TTLL12: variants seen among roughly 807,000 people sequenced by gnomAD.
TTLL12 encodes the protein tubulin--tyrosine ligase-like protein 12.
In TTLL12, 77 loss-of-function variants were observed where a neutral mutation model predicts 79.6. The observed-to-expected ratio is 0.97, with a 90% CI of 0.81 to 1.17. TTLL12 has a LOEUF of 1.17. Among genes scored for constraint, TTLL12 ranks in the 50% most tolerant of loss-of-function variants. The pLI is 0.00. For synonymous variants in TTLL12, 437 were observed against 376.1 expected, an observed-to-expected ratio of 1.16 and a Z score of -1.87; for missense variants, 969 against 895.9, an observed-to-expected ratio of 1.08 and a Z score of -1.04.
chr22:43,180,816 G>C lies in TTLL12; in HGVS notation c.472C>G (p.Pro158Ala), dbSNP rs1268546933. ...ACCAGGGCCACAGCCTCTGTACTGG[G>C]CAGCTCACCGTGGAACTCAATGCCC... ...LMGIEFHGEL[P>A]STEAVALVLE... Residue 158 changes from proline (P) to alanine (A), a missense_variant, in exon 3 of 14, where the codon CCC becomes GCC. Transcript: ENST00000216129. 1.2e-6 allele frequency: 2 copies of C among 1,613,176 alleles called. No homozygotes were observed. The highest frequency in any genetic ancestry group is 2.2e-5 in the South Asian group (2 of 91,086).
rs770304301 is a variant in TTLL12, at chr22:43,179,902, G to T, written c.645C>A (p.Phe215Leu). The T allele has an allele frequency of 6.2e-6, 10 of 1,611,020 alleles. No homozygotes were observed. The South Asian group carries it at 1.1e-4, about 18-fold the overall frequency. Residue 215 changes from phenylalanine (F) to leucine (L), a missense_variant, in exon 4 of 14, where the codon TTC (phenylalanine) becomes TTA (leucine). Physicochemically the swap from Phe to Leu is conservative, Grantham distance 22 (BLOSUM62 0). Coordinates refer to ENST00000216129, the MANE Select transcript of TTLL12 (RefSeq NM_015140.4). ...DVPSFATAPF[F>L]YMPQQVAYTL... ...TGTAGGCCACCTGCTGCGGCATGTA[G>T]AAGAAGGGTGCCGTGGCGAAGCTGG...
Position 43,173,823 on chromosome 22 carries a change from GCCCCT to G in TTLL12, c.1230-2_1232del, listed in dbSNP as rs763145914. The stretch of plus-strand genomic sequence containing the variant: ...GCTTGCAGATCCAGTGGTTGTCCTC[GCCCCT>G]GGGGAGCAGAAGGGCTGTCTGGGGG... On this transcript the variant is annotated splice_acceptor_variant and coding_sequence_variant, in exon 9 of 14. Transcript: ENST00000216129. LOFTEE classifies it high-confidence loss of function. 46 of 1,602,502 alleles carry G rather than the reference GCCCCT, an allele frequency of 2.9e-5. No homozygotes were observed. The highest frequency in any genetic ancestry group is 3.8e-5 in the Non-Finnish European group (45 of 1,179,676).
intron 5 of TTLL12, 51 bp from the exon 6 acceptor site, chr22:43,176,447 AG>A: frequency 6.7e-7 from 1 of 1,490,990 alleles, no homozygotes; most frequent in Non-Finnish European, 9.2e-7. Flanking sequence ...AGGGAGGGAA[AG>A]GCCGGCCGTG....
At chr22:43,170,292 G>T in intron 11 of TTLL12, 1 of 249,272 alleles carries the variant, frequency 4.0e-6, no homozygotes, top group South Asian at 4.8e-5. Context: ...TGGGTCCTAG[G>T]GAGTAGGCTT....
intron 8 of TTLL12, 111 bp downstream of exon 8, chr22:43,174,098 G>T: frequency 7.1e-7 from 1 of 1,403,166 alleles, no homozygotes; most frequent in Non-Finnish European, 9.7e-7. Flanking sequence ...CCACAGCTCG[G>T]CTCCTGCACC....
chr22:43,186,189 A>ACCCCCC (rs59941359), intron 1 of TTLL12, among the ~76,000 whole-genome samples: 2 of 82,140 alleles, frequency 2.4e-5, no homozygotes, highest in Admixed American at 1.4e-4. Flanking sequence ...TAAAGAAAAC[A>ACCCCCC]CCCCCCCCCC....
At chr22:43,175,839 ATTTT>A (rs753447234) in intron 6 of TTLL12, among the ~76,000 whole-genome samples, 51 of 128,366 alleles carry the variant, frequency 4.0e-4, no homozygotes, top group Admixed American at 1.0e-3. Context: ...TGCCCTACTA[ATTTT>A]TTTTTTTTTT....
At chr22:43,180,092 C>T in intron 3 of TTLL12, 92 bp from the exon 4 acceptor site, 1 of 1,439,816 alleles carries the variant, frequency 6.9e-7, no homozygotes, top group Non-Finnish European at 9.3e-7. Flanking sequence ...CAGCCCACAG[C>T]CATTTCTCTG....
chr22:43,173,296 C>G lies in TTLL12; in HGVS notation c.1341+419G>C, dbSNP rs8140960. ...GGCACACTATGTGGTAGGAACTTTG[C>G]GATTAGACGCACCCAGGACAGTTCT... is the stretch of plus-strand genomic sequence containing the variant. On this transcript the variant is annotated intron_variant, in intron 9 of 13. Coordinates refer to ENST00000216129, the MANE Select transcript of TTLL12 (RefSeq NM_015140.4). Among the ~76,000 whole-genome samples the G allele has an allele frequency of 6.7e-3, 1,025 of 152,146 alleles. 10 individuals are homozygous for G. Among genetic ancestry groups the G allele is most frequent in the African/African-American group, 0.023 (960 of 41,510 alleles).
intron 10 of TTLL12, 127 bp from the exon 11 acceptor site, chr22:43,172,027 C>T (rs112560273): frequency 3.7e-5 from 29 of 783,420 alleles, no homozygotes; most frequent in South Asian, 1.6e-4. Context: ...GCTGCTCAGG[C>T]GGGAGCCTGT....
At chr22:43,176,897 G>C (rs559789745) in intron 5 of TTLL12, among the ~76,000 whole-genome samples, 2 of 151,932 alleles carry the variant, frequency 1.3e-5, no homozygotes, top group Non-Finnish European at 2.9e-5. Context: ...CAGGCCCCTC[G>C]GATGCCGAAC....
At chr22:43,184,336 T>C (rs1308958469) in intron 1 of TTLL12, among the ~76,000 whole-genome samples, 1 of 152,248 alleles carries the variant, frequency 6.6e-6, no homozygotes, top group African/African-American at 2.4e-5. Flanking sequence ...ACTCAAGGTC[T>C]CGCTCAGGAA....
intron 1 of TTLL12, 52 bp downstream of exon 1, chr22:43,186,841 C>A (rs1932197085): frequency 4.8e-6 from 6 of 1,238,344 alleles, no homozygotes; most frequent in Non-Finnish European, 6.1e-6. Context: ...CCGCGGGCTC[C>A]CGCCGCGCTC....
chr22:43,186,193 C>A (rs562106984), intron 1 of TTLL12, among the ~76,000 whole-genome samples: 1 of 144,534 alleles, frequency 6.9e-6, no homozygotes, highest in Non-Finnish European at 1.5e-5. Context: ...GAAAACACCC[C>A]CCCCCCCGCC....
chr22:43,174,600 C>A lies in TTLL12; in HGVS notation c.933G>T (p.Val311=). Residue 311 remains valine (V), a synonymous_variant, in exon 7 of 14, where the codon GTG becomes GTT. Transcript: ENST00000216129. ...HGHIFKVYTD[V]QQVASSLTHP... Reference sequence around the variant, plus strand: ...GGGTGAGGCTGCTGGCCACCTGCTGCACGTCCGTGTAGACCCTGTGGGGAG... The same window carrying A: ...GGGTGAGGCTGCTGGCCACCTGCTGAACGTCCGTGTAGACCCTGTGGGGAG... The A allele has an allele frequency of 6.2e-7, 1 of 1,611,364 alleles. No homozygotes were observed. The highest frequency in any genetic ancestry group is 2.2e-5 in the East Asian group (1 of 44,846).
rs781766958 is a variant in TTLL12 at position 43,174,308 on chromosome 22, C to T, written c.1130G>A (p.Arg377Gln). The stretch of plus-strand genomic sequence containing the variant: ...GGGTGGGCCCTCGGGGCCACCTGCC[C>T]GGCGCGCGATGGAGGCCAGGCAGTC... The part of the protein sequence containing the change: ...VKDCLASIAR[R>Q]AGGPEGPPWL... The change falls in exon 8 of 14, where the codon CGG becomes CAG. Residue 377 changes from arginine to glutamine, a missense_variant. Coordinates refer to ENST00000216129, the MANE Select transcript of TTLL12 (RefSeq NM_015140.4). 3.1e-5 allele frequency: 50 copies of T among 1,610,466 alleles called. No homozygotes were observed. Among genetic ancestry groups the T allele is most frequent in the East Asian group, 2.0e-4 (9 of 44,846 alleles).
intron 1 of TTLL12, among the ~76,000 whole-genome samples, chr22:43,184,961 G>A (rs890983365): frequency 1.2e-4 from 18 of 152,160 alleles, no homozygotes; most frequent in Admixed American, 7.8e-4. Context: ...CGGCCGTGGC[G>A]GCTCACGTCT....
At chr22:43,183,243 C>T (rs1932104051) in intron 1 of TTLL12, 94 bp from the exon 2 acceptor site, 2 of 1,501,878 alleles carry the variant, frequency 1.3e-6, no homozygotes, top group Admixed American at 3.6e-5. Context: ...GTGCCACACC[C>T]AGGCCTCAAG....
In TTLL12 at chr22:43,168,380, G is replaced by T. The variant is rs112553885; in HGVS notation, c.1784-221C>A. 6.7e-4 allele frequency among the ~76,000 whole-genome samples: 102 copies of T among 151,886 alleles called. 1 individual carries two copies. The highest frequency in any genetic ancestry group is 2.3e-3 in the African/African-American group (96 of 41,394). ...CTAGGAGAGGCCAGGGCTGCCTCCAGCCCTAGGGATGACAGCCTGGCCCTT... is the reference window on the plus strand; with the variant it reads ...CTAGGAGAGGCCAGGGCTGCCTCCATCCCTAGGGATGACAGCCTGGCCCTT... On this transcript the variant is annotated intron_variant, in intron 13 of 13. Transcript: ENST00000216129.
Sources: allele counts gnomAD v4.1 joint callset (sites outside exome capture counted in the v4.1 genomes callset), GRCh38; gene constraint gnomAD v4.1.1; transcripts MANE v1.5; gene names NCBI Gene and HGNC (gene_info 2026-07-23, HGNC 2026-07-21).